LAMP2: variants seen among roughly 807,000 people sequenced by gnomAD.
LAMP2 encodes lysosome associated membrane protein 2.
Under a neutral mutation model 25.6 loss-of-function variants are expected in LAMP2, and 4 were observed. The observed-to-expected ratio is 0.16, with a 90% CI of 0.08 to 0.36. The LOEUF is 0.36. Among genes scored for constraint, LAMP2 ranks in the 10% least tolerant of loss-of-function variants. The pLI is 1.00. For missense variants in LAMP2, 272 were observed against 301.4 expected (o/e 0.90, Z 0.72); for synonymous variants, 108 against 112.7 (o/e 0.96, Z 0.27).
intron 1 of LAMP2, among the ~76,000 whole-genome samples, chrX:120,461,733 T>C (rs1021211110): frequency 8.9e-6 from 1 of 112,010 alleles, no homozygotes; most frequent in Non-Finnish European, 1.9e-5. Context: ...TGAATGCATA[T>C]TAGATTTTCA....
chrX:120,445,260 G>A (rs898231729), intron 6 of LAMP2, among the ~76,000 whole-genome samples: 4 of 112,222 alleles, frequency 3.6e-5, no homozygotes, highest in African/African-American at 1.3e-4. Context: ...TGGTCACATG[G>A]TACTTTAACA....
At chrX:120,462,764 C>T (rs1240922337) in intron 1 of LAMP2, among the ~76,000 whole-genome samples, 1 of 111,294 alleles carries the variant, frequency 9.0e-6, no homozygotes, top group African/African-American at 3.3e-5. Context: ...ATTAAGAGTC[C>T]CCATTCCTGG....
chrX:120,429,534 TG>T lies in LAMP2; in HGVS notation c.*1788del, dbSNP rs897397344. ...TTCCTCTTATGCTCATGATCCCATC[TG>T]AGGAGGATTAGGTTTTGAAGTAGCA... On this transcript the variant is annotated 3_prime_UTR_variant, in exon 9 of 9. Transcript: ENST00000200639. 1.3e-6 allele frequency: 1 copy of T among 748,424 alleles called. No individual in the cohort carries two copies. Among genetic ancestry groups the T allele is most frequent in the African/African-American group, 2.3e-5 (1 of 42,766 alleles). 61.7% of individuals were successfully genotyped at this position (748,424 alleles called of 1,213,427 possible). A position where few individuals can be genotyped will look rare whatever the true frequency, so the allele number is the denominator to read the frequency against.
rs772282965 is a variant in LAMP2 at position 120,429,893 on chromosome X, T to G, written c.*1430A>C. ...TGTGTTATCTGGTGTGATTTATGAT[T>G]AAGCAATAACTTGTACTTTTCTTCT... On this transcript the variant is annotated 3_prime_UTR_variant, in exon 9 of 9. Coordinates refer to ENST00000200639, the MANE Select transcript of LAMP2 (RefSeq NM_002294.3). 13 of 750,775 alleles carry G rather than the reference T, an allele frequency of 1.7e-5. No homozygotes were observed. The highest frequency in any genetic ancestry group is 7.5e-4 in the Middle Eastern group (1 of 1,338). 61.9% of individuals were successfully genotyped at this position (750,775 alleles called of 1,213,427 possible).
chrX:120,439,220 A>C, intron 8 of LAMP2: 1 of 1,209,548 alleles, frequency 8.3e-7, no homozygotes. Flanking sequence ...CTATAACGAT[A>C]ATCAAGCCTG....
At position 120,448,956 on chromosome X, in the gene LAMP2, T is replaced by C. The variant is rs1180149958; in HGVS notation, c.556+14A>G. 6.7e-6 allele frequency: 8 copies of C among 1,198,993 alleles called. No homozygotes were observed. The South Asian group carries it at 8.8e-5, about 13-fold the overall frequency. ...AAATTAGGATCCAAGTAGAGAAATA[T>C]ATACTTTACTCACCATTTGTGCTCA... On this transcript the variant is annotated intron_variant, in intron 4 of 8. Coordinates refer to ENST00000200639, the MANE Select transcript of LAMP2 (RefSeq NM_002294.3).
chrX:120,439,277 C>T, intron 8 of LAMP2: 2 of 1,208,519 alleles, frequency 1.7e-6, no homozygotes, highest in Non-Finnish European at 2.2e-6. Flanking sequence ...TGTCATCATC[C>T]AGCGAACACT....
rs2058517730 is a variant in LAMP2 at position 120,430,300 on chromosome X, ATCTAT to A, written c.*1018_*1022del. Reference sequence around the variant, plus strand: ...GCCAACAGCTTCTCTTTACACCCCCATCTATGCACTGCCCCACAGGGGCCATCTTG... The same window carrying A: ...GCCAACAGCTTCTCTTTACACCCCCAGCACTGCCCCACAGGGGCCATCTTG... On this transcript the variant is annotated 3_prime_UTR_variant, in exon 9 of 9. Transcript: ENST00000200639. 28 of 753,071 alleles carry A rather than the reference ATCTAT, an allele frequency of 3.7e-5. No homozygotes were observed. The Admixed American group carries it at 1.8e-3, about 49-fold the overall frequency. 62.1% of individuals were successfully genotyped at this position (753,071 alleles called of 1,213,427 possible). A position where few individuals can be genotyped will look rare whatever the true frequency, so the allele number is the denominator to read the frequency against.
chrX:120,442,476 A>G (rs2058577743), intron 7 of LAMP2, 123 bp downstream of exon 7: 2 of 612,524 alleles, frequency 3.3e-6, no homozygotes, highest in African/African-American at 4.4e-5. Context: ...TGATCAAGGT[A>G]CACTTTTTAC....
chrX:120,431,817 G>A (rs1024778022), intron 8 of LAMP2, among the ~76,000 whole-genome samples: 1 of 112,097 alleles, frequency 8.9e-6, no homozygotes, highest in Non-Finnish European at 1.9e-5. Flanking sequence ...TTATGATGTC[G>A]AAGAAGCACA....
Position 120,430,314 on chromosome X carries a change from C to T in LAMP2, c.*1009G>A, listed in dbSNP as rs2058517825. The T allele has an allele frequency of 2.7e-6, 2 of 754,580 alleles. No individual in the cohort carries two copies. The highest frequency in any genetic ancestry group is 3.1e-6 in the Non-Finnish European group (2 of 639,319). 62.2% of individuals were successfully genotyped at this position (754,580 alleles called of 1,213,427 possible). A position where few individuals can be genotyped will look rare whatever the true frequency, so the allele number is the denominator to read the frequency against. On this transcript the variant is annotated 3_prime_UTR_variant, in exon 9 of 9. Coordinates refer to ENST00000200639, the MANE Select transcript of LAMP2 (RefSeq NM_002294.3). ...TTTACACCCCCATCTATGCACTGCC[C>T]CACAGGGGCCATCTTGAAGAAACAA...
chrX:120,456,243 C>T (rs1053278778), intron 2 of LAMP2, among the ~76,000 whole-genome samples: 37 of 109,324 alleles, frequency 3.4e-4, no homozygotes, highest in African/African-American at 1.2e-3. Context: ...CCATGTTGCC[C>T]GGGCTGGGTT....
intron 6 of LAMP2, among the ~76,000 whole-genome samples, chrX:120,443,156 C>G (rs752196933): frequency 8.9e-6 from 1 of 112,014 alleles, no homozygotes; most frequent in South Asian, 3.7e-4. Context: ...TGTTTGCAAT[C>G]TGCCAGGGAA....
At chrX:120,432,139 G>GT (rs769072368) in intron 8 of LAMP2, among the ~76,000 whole-genome samples, 10 of 111,531 alleles carry the variant, frequency 9.0e-5, no homozygotes, top group Non-Finnish European at 1.7e-4. Flanking sequence ...CTTTGAAAAG[G>GT]TGACACTTGA....
At chrX:120,440,155 T>C (rs1038326180) in intron 8 of LAMP2, among the ~76,000 whole-genome samples, 2 of 112,003 alleles carry the variant, frequency 1.8e-5, no homozygotes, top group African/African-American at 3.3e-5. Flanking sequence ...AGAGACCATA[T>C]GGCACCAAAG....
chrX:120,449,133 A>G lies in LAMP2; in HGVS notation c.398-5T>C, dbSNP rs1460188868. 1 of 1,184,829 alleles carries G rather than the reference A, an allele frequency of 8.4e-7. No individual in the cohort carries two copies. Among genetic ancestry groups the G allele is most frequent in the Non-Finnish European group, 1.1e-6 (1 of 871,161 alleles). On this transcript the variant is annotated splice_polypyrimidine_tract_variant and splice_region_variant and intron_variant, in intron 3 of 8. Transcript: ENST00000200639. ...GTTCATCAACAGTAAGAATTCCTAT[A>G]AAACAAGATTAACAATGGCTATTTC...
chrX:120,442,516 A>G, intron 7 of LAMP2, 83 bp downstream of exon 7: 2 of 773,379 alleles, frequency 2.6e-6, no homozygotes, highest in Non-Finnish European at 4.0e-6. Context: ...TAAATAAGGC[A>G]CTATTTGGTA....
Position 120,428,922 on chromosome X carries a change from G to A in LAMP2, c.*2401C>T. 1 of 750,732 alleles carries A rather than the reference G, an allele frequency of 1.3e-6. No individual in the cohort carries two copies. The highest frequency in any genetic ancestry group is 1.6e-6 in the Non-Finnish European group (1 of 637,400). 61.9% of individuals were successfully genotyped at this position (750,732 alleles called of 1,213,427 possible). ...GATTATCTAATGACACTGGGTTAAGGAGCCATCATCTACACTTAAAACCAC... is the reference window on the plus strand; with the variant it reads ...GATTATCTAATGACACTGGGTTAAGAAGCCATCATCTACACTTAAAACCAC... On this transcript the variant is annotated 3_prime_UTR_variant, in exon 9 of 9. Transcript: ENST00000200639.
chrX:120,443,948 T>C (rs998027389), intron 6 of LAMP2, among the ~76,000 whole-genome samples: 9 of 104,095 alleles, frequency 8.6e-5, no homozygotes, highest in African/African-American at 3.2e-4. Flanking sequence ...GCTACTGCAC[T>C]CCAGCCTGGG....
Sources: gnomAD v4.1 joint callset for allele counts (sites outside exome capture counted in the v4.1 genomes callset) on GRCh38, gnomAD v4.1.1 for gene constraint, MANE v1.5 for transcripts, NCBI Gene and HGNC (gene_info 2026-07-23, HGNC 2026-07-21) for gene names.